ACOT7: variants seen among roughly 807,000 people sequenced by gnomAD.
The protein encoded by ACOT7 is cytosolic acyl coenzyme A thioester hydrolase.
ACOT7 carries 12 observed loss-of-function variants against 40.2 expected under a neutral mutation model. The observed-to-expected ratio is 0.30, with a 90% CI of 0.19 to 0.48. The LOEUF (loss-of-function observed/expected upper bound fraction) is 0.48. Ranked by LOEUF, ACOT7 falls within the 20% of genes least tolerant of loss-of-function variation. The probability of loss-of-function intolerance (pLI) is 0.99; values close to 1 mark genes in which losing one functional copy is unlikely to be tolerated. For synonymous variants in ACOT7, 228 were observed against 219.5 expected, an observed-to-expected ratio of 1.04 and a Z score of -0.34; for missense variants, 395 against 530.8, an observed-to-expected ratio of 0.74 and a Z score of 2.51.
chr1:6,275,133 C>T lies in ACOT7; in HGVS notation c.1014+5969G>A, dbSNP rs2148370801. ...TGGCGTTCCCTGAAGCCTCCGGCTT[C>T]AATGACCTGTACCCAGGCACCACCC... On this transcript the variant is annotated intron_variant, in intron 8 of 8. Transcript: ENST00000361521. The surrounding 1 kb of genome is among the most constrained non-coding windows in gnomAD (Gnocchi z 5.6). Among the ~76,000 whole-genome samples, 1 of 152,324 alleles carries T rather than the reference C, an allele frequency of 6.6e-6. No homozygotes were observed. Among genetic ancestry groups the T allele is most frequent in the Non-Finnish European group, 1.5e-5 (1 of 68,028 alleles).
intron 8 of ACOT7, 53 bp from the exon 9 acceptor site, chr1:6,264,748 C>A: frequency 6.3e-7 from 1 of 1,582,522 alleles, no homozygotes; most frequent in South Asian, 1.1e-5. Flanking sequence ...GAACCAGTGC[C>A]GTGGCCTTGT....
rs575727592 is a variant in ACOT7 at position 6,330,431 on chromosome 1, T to C, written c.511-3018A>G. ...GGCCTAGCGTGTGTTGGGGGGAAGA[T>C]GGTGCAAAGAGCTCTGAACAACAGC... On this transcript the variant is annotated intron_variant, in intron 4 of 8. Coordinates refer to ENST00000361521, the MANE Select transcript of ACOT7 (RefSeq NM_007274.4). This position sits in a 1 kb window ranked among gnomAD's most constrained non-coding sequence, Gnocchi z 4.6. Among the ~76,000 whole-genome samples, 14 of 152,136 alleles carry C rather than the reference T, an allele frequency of 9.2e-5. No individual in the cohort carries two copies. The highest frequency in any genetic ancestry group is 1.9e-4 in the Non-Finnish European group (13 of 68,012).
intron 6 of ACOT7, among the ~76,000 whole-genome samples, chr1:6,296,314 C>T (rs920763309): frequency 4.6e-5 from 7 of 152,234 alleles, no homozygotes; most frequent in South Asian, 2.1e-4. Flanking sequence ...TGCAGATGTC[C>T]GCTTTTACTC....
At chr1:6,295,180 A>C (rs2148396036) in intron 6 of ACOT7, 200 bp from the exon 7 acceptor site, 11 of 464,658 alleles carry the variant, frequency 2.4e-5, no homozygotes, top group Middle Eastern at 5.8e-4. Flanking sequence ...TTTTGAAAAA[A>C]ACGACCATGG....
intron 4 of ACOT7, 51 bp from the exon 5 acceptor site, chr1:6,327,464 C>A (rs1446090981): frequency 6.4e-7 from 1 of 1,570,860 alleles, no homozygotes; most frequent in Non-Finnish European, 8.7e-7. Flanking sequence ...GGCCTCCTCC[C>A]CTCGCTGGGC....
chr1:6,298,832 G>A (rs968098107), intron 6 of ACOT7, among the ~76,000 whole-genome samples: 1 of 152,234 alleles, frequency 6.6e-6, no homozygotes, highest in African/African-American at 2.4e-5. Context: ...CCTAGCCCAG[G>A]ACGGCAAGGA....
intron 8 of ACOT7, among the ~76,000 whole-genome samples, chr1:6,267,234 G>A (rs1638877459): frequency 1.3e-5 from 2 of 152,250 alleles, no homozygotes; most frequent in African/African-American, 4.8e-5. Context: ...ATGTGCAGAT[G>A]TGGGAGACTG....
intron 2 of ACOT7, among the ~76,000 whole-genome samples, chr1:6,345,852 G>A (rs536170955): frequency 6.6e-5 from 10 of 152,302 alleles, no homozygotes; most frequent in South Asian, 2.1e-4. Context: ...GAGCCCCAGC[G>A]TGGCCGCGGG....
In ACOT7 at chr1:6,304,756, T is replaced by A. The variant is rs566065767; in HGVS notation, c.713-9776A>T. Among the ~76,000 whole-genome samples, 473 of 134,686 alleles carry A rather than the reference T, an allele frequency of 3.5e-3. 3 individuals carry two copies. The highest frequency in any genetic ancestry group is 0.014 in the African/African-American group (451 of 32,386). The allele number at this position is 134,686 out of a possible 152,430, so 88.4% of individuals were successfully genotyped here. A position where few individuals can be genotyped will look rare whatever the true frequency, so the allele number is the denominator to read the frequency against. ...GATCCCAAGGCAGAAGAATTTTTCT[T>A]AGTACAGAACAAAATGAAAAGTCTC... On this transcript the variant is annotated intron_variant, in intron 6 of 8. Transcript: ENST00000361521.
intron 6 of ACOT7, among the ~76,000 whole-genome samples, chr1:6,305,909 G>T (rs879399319): frequency 0.01 from 1,560 of 152,290 alleles, 15 homozygotes; most frequent in Middle Eastern, 0.041. Context: ...ATTGAGCACT[G>T]AGTGAACGAG....
chr1:6,276,131 CA>C (rs942450269), intron 8 of ACOT7, among the ~76,000 whole-genome samples: 3 of 152,274 alleles, frequency 2.0e-5, no homozygotes, highest in Admixed American at 6.5e-5. Flanking sequence ...CTGGGACCCA[CA>C]AGTTCTCAGC....
At chr1:6,270,950 C>T (rs1639017016) in intron 8 of ACOT7, among the ~76,000 whole-genome samples, 1 of 152,120 alleles carries the variant, frequency 6.6e-6, no homozygotes, top group Non-Finnish European at 1.5e-5. Flanking sequence ...GGGGAGGGTC[C>T]CAAGGTAGCA....
intron 1 of ACOT7, among the ~76,000 whole-genome samples, chr1:6,357,438 C>T (rs909201210): frequency 1.3e-5 from 2 of 152,306 alleles, no homozygotes; most frequent in South Asian, 4.1e-4. Flanking sequence ...ATTACTGCCC[C>T]CTTCTGACAA....
Position 6,342,533 on chromosome 1 carries a change from A to C in ACOT7, c.262-2944T>G, listed in dbSNP as rs138736876. ...GCAATGGCTATTCACAGGCACAATC[A>C]TGCTCACTGCAGCCTCAAACTCCTC... is the stretch of plus-strand genomic sequence containing the variant. On this transcript the variant is annotated intron_variant, in intron 2 of 8. Coordinates refer to ENST00000361521, the MANE Select transcript of ACOT7 (RefSeq NM_007274.4). Among the ~76,000 whole-genome samples, 180 of 152,308 alleles carry C rather than the reference A, an allele frequency of 1.2e-3. 1 individual carries two copies. Among genetic ancestry groups the C allele is most frequent in the East Asian group, 5.6e-3 (29 of 5,190 alleles).
In ACOT7 at chr1:6,355,045, CCTCAA is replaced by C. The variant is rs1330595390; in HGVS notation, c.144-5184_144-5180del. On this transcript the variant is annotated intron_variant, in intron 1 of 8. Coordinates refer to ENST00000361521, the MANE Select transcript of ACOT7 (RefSeq NM_007274.4). The surrounding 1 kb of genome is among the most constrained non-coding windows in gnomAD (Gnocchi z 5.0). ...CTCTCAGGGATTGGGAACTTTTCCG[CCTCAA>C]CTCTCACTGCCCTGCGGGGCTCCGA... is the stretch of plus-strand genomic sequence containing the variant. 2.6e-5 allele frequency among the ~76,000 whole-genome samples: 4 copies of C among 152,108 alleles called. No homozygotes were observed. Among genetic ancestry groups the C allele is most frequent in the Admixed American group, 2.6e-4 (4 of 15,272 alleles).
chr1:6,319,052 T>C (rs1640570090), intron 5 of ACOT7, among the ~76,000 whole-genome samples: 1 of 152,172 alleles, frequency 6.6e-6, no homozygotes. Context: ...TTCACTGCTC[T>C]ATCACCTCAC....
At chr1:6,385,827 AGCCCCCG>A (rs1642430700) in intron 1 of ACOT7, 1 of 1,410,372 alleles carries the variant, frequency 7.1e-7, no homozygotes, top group Non-Finnish European at 9.2e-7. Context: ...CTCCCCCACC[AGCCCCCG>A]GCAAGCCGCC....
chr1:6,321,979 G>A (rs1449558551), intron 5 of ACOT7, among the ~76,000 whole-genome samples: 2 of 152,316 alleles, frequency 1.3e-5, no homozygotes, highest in African/African-American at 4.8e-5. Context: ...AGGTGCCCTC[G>A]GCAATTGCAG....
chr1:6,306,309 AT>A lies in ACOT7; in HGVS notation c.713-11330del, dbSNP rs929987663. 7 of 985,156 alleles carry A rather than the reference AT, an allele frequency of 7.1e-6. No homozygotes were observed. The African/African-American group carries it at 1.0e-4, about 15-fold the overall frequency. 61.0% of individuals were successfully genotyped at this position (985,156 alleles called of 1,614,324 possible). On this transcript the variant is annotated intron_variant, in intron 6 of 8. Coordinates refer to ENST00000361521, the MANE Select transcript of ACOT7 (RefSeq NM_007274.4). This position sits in a 1 kb window ranked among gnomAD's most constrained non-coding sequence, Gnocchi z 4.3. ...TCTGGAAAGGGGTCAGTGCCCCATGATTTGAGAGGGATGACGTGCTGGCCAC... is the reference window on the plus strand; with the variant it reads ...TCTGGAAAGGGGTCAGTGCCCCATGATTGAGAGGGATGACGTGCTGGCCAC...
Sources: gnomAD v4.1 joint callset for allele counts (sites outside exome capture counted in the v4.1 genomes callset) on GRCh38, gnomAD v4.1.1 for gene constraint, Gnocchi (gnomAD v3.1) non-coding constraint, MANE v1.5 for transcripts, NCBI Gene and HGNC (gene_info 2026-07-23, HGNC 2026-07-21) for gene names.